The following CPEB1 variants were observed in gnomAD, a reference collection of about 807,000 sequenced individuals.
CPEB1 encodes cytoplasmic polyadenylation element-binding protein 1.
CPEB1 carries 7 observed loss-of-function variants against 65.8 expected under a neutral mutation model. The observed-to-expected ratio is 0.11, with a 90% CI of 0.06 to 0.20. The LOEUF (loss-of-function observed/expected upper bound fraction) is 0.20, where lower values mean the gene tolerates loss of function less well. CPEB1 is among the 10% of genes least tolerant of loss of function. CPEB1 has a pLI of 1.00. For missense variants in CPEB1, 551 were observed against 712.2 expected, an observed-to-expected ratio of 0.77 and a Z score of 2.58; for synonymous variants, 262 against 260.0, an observed-to-expected ratio of 1.01 and a Z score of -0.08.
At chr15:82,590,209 CAAAAAA>C (rs5814120) in intron 3 of CPEB1, among the ~76,000 whole-genome samples, 2,798 of 102,166 alleles carry the variant, frequency 0.027, 7 homozygotes, top group African/African-American at 0.057. Context: ...ATCCCTTTGA[CAAAAAA>C]AAAAAAAAAA....
At chr15:82,544,747 AC>A in intron 12 of CPEB1, 45 bp from the exon 13 acceptor site, 1 of 1,409,174 alleles carries the variant, frequency 7.1e-7, no homozygotes, top group Non-Finnish European at 1.0e-6. Flanking sequence ...CTGTGTCAGC[AC>A]CAGACACAGG....
chr15:82,640,848 T>C (rs1351240824), intron 1 of CPEB1: 3 of 151,288 alleles, frequency 2.0e-5, no homozygotes, highest in Non-Finnish European at 2.9e-5. Context: ...AATGCGGCAT[T>C]TGGGGAGAAA....
At chr15:82,626,267 C>A (rs2045764536) in intron 3 of CPEB1, among the ~76,000 whole-genome samples, 1 of 151,288 alleles carries the variant, frequency 6.6e-6, no homozygotes, top group African/African-American at 2.4e-5. Flanking sequence ...AACCCCATCT[C>A]TACTAAAAAT....
At chr15:82,617,442 A>G (rs1293836174) in intron 3 of CPEB1, among the ~76,000 whole-genome samples, 1 of 152,194 alleles carries the variant, frequency 6.6e-6, no homozygotes, top group Non-Finnish European at 1.5e-5. Context: ...ATAATCGAAA[A>G]TAAGGGAAGT....
chr15:82,554,272 T>A (rs1366393872), intron 6 of CPEB1, among the ~76,000 whole-genome samples: 1 of 152,204 alleles, frequency 6.6e-6, no homozygotes, highest in African/African-American at 2.4e-5. Context: ...CATGTTATTT[T>A]CAAACATTCA....
intron 3 of CPEB1, among the ~76,000 whole-genome samples, chr15:82,603,488 T>C (rs945568725): frequency 1.3e-5 from 2 of 150,326 alleles, no homozygotes; most frequent in African/African-American, 2.5e-5. Flanking sequence ...TGAGGCTTTA[T>C]AAAAAACTCA....
rs3080692 is a variant in CPEB1 at position 82,584,903 on chromosome 15, C to CTTTTTTTT, written c.272-13379_272-13372dup. ...GACATAATTTTTTTTTCCTAATTTG[C>CTTTTTTTT]TTTTTTTTTTTTTTTTTTTACAGTG... On this transcript the variant is annotated intron_variant, in intron 3 of 12. Transcript: ENST00000684509. Among the ~76,000 whole-genome samples, 173 of 81,732 alleles carry CTTTTTTTT rather than the reference C, an allele frequency of 2.1e-3. 22 individuals are homozygous for CTTTTTTTT. Among genetic ancestry groups the CTTTTTTTT allele is most frequent in the East Asian group, 0.013 (36 of 2,684 alleles). The allele number at this position is 81,732 out of a possible 152,430, so 53.6% of individuals were successfully genotyped here. A position where few individuals can be genotyped will look rare whatever the true frequency, so the allele number is the denominator to read the frequency against.
At position 82,549,510 on chromosome 15, in the gene CPEB1, C is replaced by A. The variant is rs2035873661; in HGVS notation, c.1430G>T (p.Gly477Val). Residue 477 changes from glycine to valine, a missense_variant, in exon 10 of 13, where the codon GGT (glycine) becomes GTT (valine). Physicochemically the swap from Gly to Val is moderately radical, Grantham distance 109. Coordinates refer to ENST00000684509, the MANE Select transcript of CPEB1 (RefSeq NM_001365242.1). ...GTCAATCCCGGCATACACCACTCCA[C>A]CAAATAGGTCGTTCAAGATGGCTGC... is the stretch of plus-strand genomic sequence containing the variant. ...ALAAILNDLF[G>V]GVVYAGIDTD... 1.2e-6 allele frequency: 2 copies of A among 1,614,086 alleles called. No homozygotes were observed. The highest frequency in any genetic ancestry group is 1.7e-5 in the Admixed American group (1 of 60,008).
rs1352049360 is a variant in CPEB1 at position 82,631,463 on chromosome 15, G to C, written c.-97-2907C>G. The stretch of plus-strand genomic sequence containing the variant: ...AGCCAGGACTGTCAGATGGCGAACA[G>C]ATCTACTACTCTCCTTTGTGTACAA... On this transcript the variant is annotated intron_variant, in intron 1 of 12. Transcript: ENST00000684509. 2.6e-5 allele frequency among the ~76,000 whole-genome samples: 4 copies of C among 151,866 alleles called. 1 individual carries two copies. Among genetic ancestry groups the C allele is most frequent in the African/African-American group, 9.7e-5 (4 of 41,338 alleles).
In CPEB1 at chr15:82,553,566, G is replaced by C. The variant is rs772704937; in HGVS notation, c.1055-10C>G. On this transcript the variant is annotated splice_polypyrimidine_tract_variant and intron_variant, in intron 7 of 12. Coordinates refer to ENST00000684509, the MANE Select transcript of CPEB1 (RefSeq NM_001365242.1). The stretch of plus-strand genomic sequence containing the variant: ...GTGTTAACTAATCCAGCTGCAAAGA[G>C]ACAGAAAAGAATGGCAGAAGCTGAG... 2 of 1,595,684 alleles carry C rather than the reference G, an allele frequency of 1.3e-6. No homozygotes were observed. The highest frequency in any genetic ancestry group is 1.1e-5 in the South Asian group (1 of 90,166).
chr15:82,561,999 A>G (rs2150999714), intron 4 of CPEB1, among the ~76,000 whole-genome samples: 1 of 152,332 alleles, frequency 6.6e-6, no homozygotes, highest in African/African-American at 2.4e-5. Flanking sequence ...GAAGCACTTT[A>G]GGTAAACAGT....
chr15:82,610,130 T>C (rs1049097487), intron 3 of CPEB1, among the ~76,000 whole-genome samples: 1 of 150,038 alleles, frequency 6.7e-6, no homozygotes, highest in Non-Finnish European at 1.5e-5. Context: ...GTGAAATAAA[T>C]TCTACAGCCA....
At chr15:82,561,199 ATAT>A (rs1451798167) in intron 4 of CPEB1, among the ~76,000 whole-genome samples, 1 of 152,210 alleles carries the variant, frequency 6.6e-6, no homozygotes, top group Non-Finnish European at 1.5e-5. Context: ...GAAGTCTGAA[ATAT>A]TAGATAAGTC....
In CPEB1 at chr15:82,554,664, T is replaced by C. The variant is rs147873062; in HGVS notation, c.941-673A>G. Among the ~76,000 whole-genome samples, 314 of 152,366 alleles carry C rather than the reference T, an allele frequency of 2.1e-3. 1 individual carries two copies. The highest frequency in any genetic ancestry group is 7.4e-3 in the African/African-American group (308 of 41,584). ...GTTTGTACCTTTCCAAATCAGAGAC[T>C]GACCTTAGTGAGGACTAGCTAGTTC... On this transcript the variant is annotated intron_variant, in intron 6 of 12. Coordinates refer to ENST00000684509, the MANE Select transcript of CPEB1 (RefSeq NM_001365242.1).
chr15:82,549,774 G>T, intron 9 of CPEB1, 116 bp from the exon 10 acceptor site: 3 of 964,616 alleles, frequency 3.1e-6, no homozygotes, highest in Non-Finnish European at 3.1e-6. Flanking sequence ...CCTTACAGGG[G>T]TGAAAAGGTG....
At chr15:82,563,205 G>A (rs2038524770) in intron 4 of CPEB1, among the ~76,000 whole-genome samples, 1 of 152,104 alleles carries the variant, frequency 6.6e-6, no homozygotes, top group Non-Finnish European at 1.5e-5. Flanking sequence ...AGCAGAAAGA[G>A]AAAAATGTTA....
At position 82,577,878 on chromosome 15, in the gene CPEB1, C is replaced by T. The variant is rs568406441; in HGVS notation, c.272-6346G>A. 1.4e-4 allele frequency among the ~76,000 whole-genome samples: 21 copies of T among 152,140 alleles called. No individual in the cohort carries two copies. In the East Asian group the frequency reaches 3.7e-3, roughly 27 times the overall value. ...ATATTGGGCCAGGCACGGTGGCTCACGCCTGTAATCCCAGCACTTTGGGAG... is the reference window on the plus strand; with the variant it reads ...ATATTGGGCCAGGCACGGTGGCTCATGCCTGTAATCCCAGCACTTTGGGAG... On this transcript the variant is annotated intron_variant, in intron 3 of 12. Coordinates refer to ENST00000684509, the MANE Select transcript of CPEB1 (RefSeq NM_001365242.1).
At chr15:82,633,006 T>C (rs900273669) in intron 1 of CPEB1, among the ~76,000 whole-genome samples, 2 of 152,232 alleles carry the variant, frequency 1.3e-5, no homozygotes, top group Non-Finnish European at 2.9e-5. Flanking sequence ...AAAAATGTTT[T>C]TCTCTTGGTT....
intron 3 of CPEB1, among the ~76,000 whole-genome samples, chr15:82,609,574 A>G (rs982786688): frequency 2.6e-5 from 4 of 152,080 alleles, no homozygotes; most frequent in Non-Finnish European, 1.5e-5. Context: ...ACTAGAAAAA[A>G]TAAACACAAA....
Sources: gnomAD v4.1 joint callset for allele counts (sites outside exome capture counted in the v4.1 genomes callset) on GRCh38, gnomAD v4.1.1 for gene constraint, MANE v1.5 for transcripts, NCBI Gene and HGNC (gene_info 2026-07-23, HGNC 2026-07-21) for gene names.